Variants in OBSL1 observed in about 807,000 individuals in gnomAD.
OBSL1 encodes obscurin like cytoskeletal adaptor 1, also known as obscurin-like protein 1.
OBSL1 carries 160 observed loss-of-function variants against 172.0 expected under a neutral mutation model. That is an observed-to-expected ratio of 0.93 (90% CI 0.82 to 1.06). The LOEUF is 1.06. OBSL1 is among the 50% of genes least tolerant of loss of function. The pLI is 0.00. For synonymous variants in OBSL1, 1,200 were observed against 1,196.3 expected (o/e 1.00, Z -0.06); for missense variants, 2,681 against 2,715.4 (o/e 0.99, Z 0.28).
In OBSL1 at chr2:219,558,446, C is replaced by A; in HGVS notation, c.3240G>T (p.Arg1080Ser). The A allele has an allele frequency of 3.8e-6, 6 of 1,584,600 alleles. No homozygotes were observed. Among genetic ancestry groups the A allele is most frequent in the Admixed American group, 1.8e-5 (1 of 56,798 alleles). ...FTVTVTAPPE[R>S]IVHPAARSLD... is the part of the protein sequence containing the mutation. ...GGGAGCGGGCTGCCGGGTGCACAAT[C>A]CTCTCTGGTGGGGCTGGTGGGTGGG... is the stretch of plus-strand genomic sequence containing the variant. The change falls in exon 10 of 21, where the codon AGG (arginine) becomes AGT (serine). Residue 1080 changes from arginine to serine, a missense_variant. By Grantham distance (110) the Arg-to-Ser change is moderately radical. Around this residue, in one of 5 missense-constraint regions of OBSL1, gnomAD observed 1,765 missense variants for 1,748.3 expected, o/e 1.01. Transcript: ENST00000404537.
At position 219,568,222 on chromosome 2, in the gene OBSL1, G is replaced by A. The variant is rs1361554053; in HGVS notation, c.1115C>T (p.Ala372Val). ...CAGCCGCTGGTCCTCACGGAACCAG[G>A]CCGTGGGGATGCGGGAGTTGGGTAC... ...CKVPNSRIPT[A>V]WFREDQRLLP... Residue 372 changes from alanine (A) to valine (V), a missense_variant, in exon 2 of 21, where the codon GCC becomes GTC. Around this residue, in one of 5 missense-constraint regions of OBSL1, gnomAD observed 706 missense variants for 695.8 expected, o/e 1.01. Coordinates refer to ENST00000404537, the MANE Select transcript of OBSL1 (RefSeq NM_015311.3). This position sits in a 1 kb window ranked among gnomAD's most constrained non-coding sequence, Gnocchi z 4.1. The A allele has an allele frequency of 2.5e-6, 4 of 1,613,618 alleles. No individual in the cohort carries two copies. Among genetic ancestry groups the A allele is most frequent in the Non-Finnish European group, 3.4e-6 (4 of 1,179,860 alleles).
At chr2:219,559,586 A>G (rs1329975925) in intron 8 of OBSL1, 89 bp from the exon 9 acceptor site, 2 of 1,162,984 alleles carry the variant, frequency 1.7e-6, no homozygotes. Flanking sequence ...TATCACCCAC[A>G]TAATAATGAG....
chr2:219,565,584 G>A (rs770896048), intron 5 of OBSL1, 70 bp from the exon 6 acceptor site: 12 of 1,467,374 alleles, frequency 8.2e-6, no homozygotes, highest in Non-Finnish European at 1.0e-5. Context: ...ATGCATCAGA[G>A]GGAACAACTG....
At position 219,557,850 on chromosome 2, in the gene OBSL1, T is replaced by C; in HGVS notation, c.3763A>G (p.Ser1255Gly). Residue 1255 changes from serine to glycine, a missense_variant, in exon 11 of 21, where the codon AGC (serine) becomes GGC (glycine). This residue lies in a region of OBSL1 where 1,765 missense variants were observed against 1,748.3 expected (regional missense o/e 1.01). Transcript: ENST00000404537. ...CQSGAAPGAPSLSFTVQVAEP... is the reference protein window; with the variant it reads ...CQSGAAPGAPGLSFTVQVAEP... ...GCCACCTGGACGGTGAAGCTGAGGC[T>C]TGGGGCTCCGGGGGCTGCTCCAGAC... The C allele has an allele frequency of 1.2e-6, 2 of 1,600,036 alleles. No individual in the cohort carries two copies. The highest frequency in any genetic ancestry group is 1.3e-5 in the African/African-American group (1 of 74,974).
rs1055281369 is a variant in OBSL1 at position 219,567,734 on chromosome 2, C to T, written c.1518G>A (p.Thr506=). ...TGCCCTCACATTTTACTCTGAGAAG[C>T]GTAGTGGTACGGGAGTTGCCCAGGC... The part of the protein sequence containing the change: ...TFSLGNSRTT[T]LLRVKCVKHS... The change falls in exon 3 of 21, where the codon ACG becomes ACA. Residue 506 remains threonine (T), a synonymous_variant. Transcript: ENST00000404537. 22 of 1,610,798 alleles carry T rather than the reference C, an allele frequency of 1.4e-5. No homozygotes were observed. Among genetic ancestry groups the T allele is most frequent in the Non-Finnish European group, 1.7e-5 (20 of 1,177,410 alleles).
chr2:219,551,403 C>T (rs2106003775), intron 20 of OBSL1, 126 bp downstream of exon 20: 1 of 1,369,882 alleles, frequency 7.3e-7, no homozygotes, highest in Non-Finnish European at 9.7e-7. Flanking sequence ...CCCCCATCCC[C>T]ACCTCCTACG....
intron 9 of OBSL1, 63 bp downstream of exon 9, chr2:219,559,162 T>G (rs1168179574): frequency 1.4e-6 from 2 of 1,474,168 alleles, no homozygotes; most frequent in East Asian, 4.6e-5. Flanking sequence ...TGGGGCTAGG[T>G]GGGTGTCTGT....
In OBSL1 at chr2:219,571,091, C is replaced by A; in HGVS notation, c.142G>T (p.Gly48Cys). 1.4e-6 allele frequency: 2 copies of A among 1,469,436 alleles called. No homozygotes were observed. The highest frequency in any genetic ancestry group is 1.8e-6 in the Non-Finnish European group (2 of 1,114,192). The allele number at this position is 1,469,436 out of a possible 1,614,324, so 91.0% of individuals were successfully genotyped here. ...TCCGAGGCCGCCAGCTGCTGCCCGC[C>A]CTTCTCCCACACCACTACAGGCGGC... is the stretch of plus-strand genomic sequence containing the variant. ...EPPPVVVWEK[G>C]GQQLAASERL... Residue 48 changes from glycine (G) to cysteine (C), a missense_variant, in exon 1 of 21, where the codon GGC becomes TGC. Transcript: ENST00000404537.
chr2:219,556,336 G>A, intron 13 of OBSL1, 44 bp from the exon 14 acceptor site: 1 of 1,568,910 alleles, frequency 6.4e-7, no homozygotes, highest in Non-Finnish European at 8.7e-7. Flanking sequence ...GGGGTTGGAG[G>A]CTGGCCCCTT....
At chr2:219,549,618 C>T (rs139911369), downstream of OBSL1, 1,012 of 1,539,528 alleles carry the variant, frequency 6.6e-4, 2 homozygotes, top group Non-Finnish European at 8.1e-4. Context: ...GGGTCTATGG[C>T]AGTCTATAGA....
rs1370788551 is a variant in OBSL1 at position 219,568,977 on chromosome 2, G to A, written c.1013-653C>T. ...TTGGCCAGGCTGTTCTCGAACTCCT[G>A]ACCTCAAATGATCCGCCCACCTTAG... On this transcript the variant is annotated intron_variant, in intron 1 of 20. Coordinates refer to ENST00000404537, the MANE Select transcript of OBSL1 (RefSeq NM_015311.3). This position sits in a 1 kb window ranked among gnomAD's most constrained non-coding sequence, Gnocchi z 4.1. Among the ~76,000 whole-genome samples, 1 of 151,262 alleles carries A rather than the reference G, an allele frequency of 6.6e-6. No homozygotes were observed. Among genetic ancestry groups the A allele is most frequent in the African/African-American group, 2.4e-5 (1 of 41,128 alleles).
At chr2:219,558,481 G>A (rs1381952233) in intron 9 of OBSL1, 22 bp from the exon 10 acceptor site, 2 of 1,542,432 alleles carry the variant, frequency 1.3e-6, no homozygotes, top group African/African-American at 1.4e-5. Context: ...GCATGGAGAG[G>A]GGCACATAGG....
rs146477713 is a variant in OBSL1 at position 219,557,350 on chromosome 2, G to A, written c.4059C>T (p.Ser1353=). The change falls in exon 12 of 21, where the codon AGC becomes AGT. Residue 1353 remains serine (S), a synonymous_variant. Coordinates refer to ENST00000404537, the MANE Select transcript of OBSL1 (RefSeq NM_015311.3). ...APQDSRIFLV[S]VEEPLLVKLV... ...TGAGGGGTACACTGTTACCTTCCAC[G>A]CTGACAAGGAAGATGCGGCTGTCCT... 727 of 1,497,526 alleles carry A rather than the reference G, an allele frequency of 4.9e-4. 3 individuals carry two copies. In the African/African-American group the frequency reaches 8.5e-3, roughly 17 times the overall value. The allele number at this position is 1,497,526 out of a possible 1,614,324, so 92.8% of individuals were successfully genotyped here. A position where few individuals can be genotyped will look rare whatever the true frequency, so the allele number is the denominator to read the frequency against.
At position 219,557,435 on chromosome 2, in the gene OBSL1, A is replaced by G; in HGVS notation, c.3974T>C (p.Val1325Ala). 5 of 1,548,256 alleles carry G rather than the reference A, an allele frequency of 3.2e-6. No homozygotes were observed. In the South Asian group the frequency reaches 6.0e-5, roughly 18 times the overall value. Residue 1325 changes from valine to alanine, a missense_variant, in exon 12 of 21, where the codon GTG (valine) becomes GCG (alanine). Physicochemically the swap from Val to Ala is moderately conservative, Grantham distance 64. Around this residue, in one of 5 missense-constraint regions of OBSL1, gnomAD observed 1,765 missense variants for 1,748.3 expected, o/e 1.01. Coordinates refer to ENST00000404537, the MANE Select transcript of OBSL1 (RefSeq NM_015311.3). ...GCTCCGTGCCCCCTGCACCCGCAGC[A>G]CCTGCCTGGCCCCGGCCTGCTCCAG... ...VQLEQAGARQ[V>A]LRVQGARSGD...
At chr2:219,562,722 C>T (rs373638845) in intron 7 of OBSL1, 48 bp from the exon 8 acceptor site, 33 of 1,503,924 alleles carry the variant, frequency 2.2e-5, no homozygotes, top group African/African-American at 4.1e-5. Context: ...TGTGCCCTGC[C>T]GTCCTCCCTG....
Position 219,567,434 on chromosome 2 carries a change from C to A in OBSL1, c.1676G>T (p.Gly559Val), listed in dbSNP as rs772023296. Reference sequence around the variant, plus strand: ...GAAGCACTGAATCCAGTCTTCAGAGCCCACTTCCTGCCGCTCCAGCCGGTA... The same window carrying A: ...GAAGCACTGAATCCAGTCTTCAGAGACCACTTCCTGCCGCTCCAGCCGGTA... ...FIYRLERQEV[G>V]SEDWIQCFSI... The change falls in exon 4 of 21, where the codon GGC becomes GTC. Residue 559 changes from glycine to valine, a missense_variant. By Grantham distance (109) the Gly-to-Val change is moderately radical. Transcript: ENST00000404537. 3.1e-6 allele frequency: 5 copies of A among 1,613,016 alleles called. No homozygotes were observed. The Admixed American group carries it at 6.7e-5, about 22-fold the overall frequency.
intron 8 of OBSL1, 109 bp from the exon 9 acceptor site, chr2:219,559,606 T>A: frequency 1.0e-6 from 1 of 970,640 alleles, no homozygotes; most frequent in Non-Finnish European, 1.5e-6. Context: ...GAATAATAAG[T>A]AAAATAATAA....
At position 219,568,111 on chromosome 2, in the gene OBSL1, A is replaced by C. The variant is rs752135824; in HGVS notation, c.1226T>G (p.Ile409Ser). The C allele has an allele frequency of 6.2e-7, 1 of 1,613,766 alleles. No homozygotes were observed. The highest frequency in any genetic ancestry group is 1.7e-5 in the Admixed American group (1 of 60,022). ...CCGGCCCCGCATCTCGCACAGGTAG[A>C]TACCATCATCGTCTGCCTTCAGCCT... is the stretch of plus-strand genomic sequence containing the variant. ...IHRLKADDDG[I>S]YLCEMRGRVR... is the part of the protein sequence containing the mutation. The change falls in exon 2 of 21, where the codon ATC (isoleucine) becomes AGC (serine). Residue 409 changes from isoleucine to serine, a missense_variant. Coordinates refer to ENST00000404537, the MANE Select transcript of OBSL1 (RefSeq NM_015311.3). This position sits in a 1 kb window ranked among gnomAD's most constrained non-coding sequence, Gnocchi z 4.1.
Position 219,570,543 on chromosome 2 carries a change from G to C in OBSL1, c.690C>G (p.Pro230=), listed in dbSNP as rs756662437. 44 of 1,603,160 alleles carry C rather than the reference G, an allele frequency of 2.7e-5. No homozygotes were observed. The South Asian group carries it at 4.7e-4, about 17-fold the overall frequency. Reference sequence around the variant, plus strand: ...CGTCGGGGTCCGCGGGCGGGCTCTCGGGGGGCTGGTGCACCTGGAGCAGCG... The same window carrying C: ...CGTCGGGGTCCGCGGGCGGGCTCTCCGGGGGCTGGTGCACCTGGAGCAGCG... ...AGALLQVHQP[P]ESPPADPDEA... is the part of the protein sequence containing the mutation. The change falls in exon 1 of 21, where the codon CCC becomes CCG. Residue 230 remains proline (P), a synonymous_variant. Coordinates refer to ENST00000404537, the MANE Select transcript of OBSL1 (RefSeq NM_015311.3).
Sources: allele counts gnomAD v4.1 joint callset (sites outside exome capture counted in the v4.1 genomes callset), GRCh38; gene constraint gnomAD v4.1.1; regional missense constraint gnomAD v4.1.1; non-coding constraint Gnocchi (gnomAD v3.1); transcripts MANE v1.5; gene names NCBI Gene and HGNC (gene_info 2026-07-23, HGNC 2026-07-21).